VCL: variants seen among roughly 807,000 people sequenced by gnomAD.
The protein encoded by VCL is vinculin.
In VCL, 47 loss-of-function variants were observed where a neutral mutation model predicts 125.7. The observed-to-expected ratio is 0.37, with a 90% CI of 0.30 to 0.48. The LOEUF (loss-of-function observed/expected upper bound fraction) is 0.48. Among genes scored for constraint, VCL ranks in the 20% least tolerant of loss-of-function variants. The pLI is 0.99. For missense variants in VCL, 1,069 were observed against 1,455.5 expected, an observed-to-expected ratio of 0.73 and a Z score of 4.32; for synonymous variants, 458 against 514.6, an observed-to-expected ratio of 0.89 and a Z score of 1.49.
Position 73,998,134 on chromosome 10 carries a change from C to A in VCL, c.-74C>A. On this transcript the variant is annotated 5_prime_UTR_variant, in exon 1 of 22. Transcript: ENST00000211998. Reference sequence around the variant, plus strand: ...ACTCCGTAGTCGCTGCACAGTCTGTCTCTTCGCCGGTTCCCGGCCCCGTGG... The same window carrying A: ...ACTCCGTAGTCGCTGCACAGTCTGTATCTTCGCCGGTTCCCGGCCCCGTGG... 6.4e-7 allele frequency: 1 copy of A among 1,568,850 alleles called. No individual in the cohort carries two copies. The highest frequency in any genetic ancestry group is 8.6e-7 in the Non-Finnish European group (1 of 1,157,910).
chr10:74,047,738 GAT>G (rs1841216890), intron 2 of VCL, among the ~76,000 whole-genome samples: 1 of 152,166 alleles, frequency 6.6e-6, no homozygotes, highest in Non-Finnish European at 1.5e-5. Context: ...TTCAGGGAAA[GAT>G]ATGATACTTT....
intron 12 of VCL, 28 bp downstream of exon 12, chr10:74,095,883 A>G: frequency 6.2e-7 from 1 of 1,608,676 alleles, no homozygotes; most frequent in Non-Finnish European, 8.5e-7. Context: ...ATATCATTTT[A>G]CTTTTTATGC....
In VCL at chr10:74,109,045, A is replaced by C; in HGVS notation, c.2634A>C (p.Pro878=). 6.2e-7 allele frequency: 1 copy of C among 1,614,174 alleles called. No homozygotes were observed. The highest frequency in any genetic ancestry group is 8.5e-7 in the Non-Finnish European group (1 of 1,180,024). ...TCCCTCCACCTAGGCCTCCACCACC[A>C]GAGGAAAAGGATGAAGAGTTCCCTG... ...GEVPPPRPPP[P]EEKDEEFPEQ... Residue 878 remains proline, a synonymous_variant, in exon 18 of 22, where the codon CCA becomes CCC. Coordinates refer to ENST00000211998, the MANE Select transcript of VCL (RefSeq NM_014000.3).
chr10:74,111,914 C>T lies in VCL; in HGVS notation c.2751C>T (p.Gly917=), dbSNP rs1347336421. The T allele has an allele frequency of 6.2e-7, 1 of 1,614,100 alleles. No homozygotes were observed. The highest frequency in any genetic ancestry group is 1.3e-5 in the African/African-American group (1 of 74,936). ...DEARKWSSKP[G]IPAAEVGIGV... The stretch of plus-strand genomic sequence containing the variant: ...CCTTCCCGCCATCGACAAAGCCGGG[C>T]ATCCCAGCCGCTGAGGTGGGTATAG... The change falls in exon 19 of 22, where the codon GGC becomes GGT. Residue 917 remains glycine (G), a synonymous_variant. Transcript: ENST00000211998.
chr10:74,066,062 T>TATATATATATATA (rs1491467672), intron 2 of VCL, among the ~76,000 whole-genome samples: 68 of 124,652 alleles, frequency 5.5e-4, no homozygotes, highest in African/African-American at 7.1e-4. Flanking sequence ...TATATATATA[T>TATATATATATATA]TTTTTTTTTT....
intron 6 of VCL, chr10:74,076,307 T>C (rs553269257): frequency 6.5e-6 from 1 of 152,756 alleles, no homozygotes; most frequent in African/African-American, 2.4e-5. Flanking sequence ...AGTGATTTCT[T>C]TGGGAAAAGC....
In VCL at chr10:74,049,396, A is replaced by C. The variant is rs12765426; in HGVS notation, c.239+6243A>C. 1.9e-3 allele frequency among the ~76,000 whole-genome samples: 285 copies of C among 152,350 alleles called. 1 individual carries two copies. The highest frequency in any genetic ancestry group is 2.7e-3 in the Non-Finnish European group (182 of 68,038). On this transcript the variant is annotated intron_variant, in intron 2 of 21. Coordinates refer to ENST00000211998, the MANE Select transcript of VCL (RefSeq NM_014000.3). ...AGAGCAAAAGTGGAAACACTACTGCAGAGAAATTTTGTAAAAAAGAAATAT... is the reference window on the plus strand; with the variant it reads ...AGAGCAAAAGTGGAAACACTACTGCCGAGAAATTTTGTAAAAAAGAAATAT...
At chr10:74,055,333 A>C (rs1841373177) in intron 2 of VCL, among the ~76,000 whole-genome samples, 1 of 152,004 alleles carries the variant, frequency 6.6e-6, no homozygotes, top group South Asian at 2.1e-4. Flanking sequence ...TGAATTTCAT[A>C]ATATTTTATT....
At chr10:74,114,436 TGC>T (rs777569681) in intron 20 of VCL, 49 bp downstream of exon 20, 23 of 1,411,610 alleles carry the variant, frequency 1.6e-5, no homozygotes, top group Admixed American at 7.4e-5. Context: ...TGTGTGTGTG[TGC>T]GTGTGTGTGT....
At chr10:74,063,084 G>A (rs546395382) in intron 2 of VCL, among the ~76,000 whole-genome samples, 1 of 152,166 alleles carries the variant, frequency 6.6e-6, no homozygotes, top group East Asian at 1.9e-4. Flanking sequence ...AAAGAAGACA[G>A]GGTCTCCCTG....
chr10:74,090,012 T>C lies in VCL; in HGVS notation c.1177-11T>C. ...GATCACAGCGTGCTGCTTCTCCGTTTCTATGTGTAGAACTGGCTTGCAGAT... is the reference window on the plus strand; with the variant it reads ...GATCACAGCGTGCTGCTTCTCCGTTCCTATGTGTAGAACTGGCTTGCAGAT... On this transcript the variant is annotated splice_polypyrimidine_tract_variant and intron_variant, in intron 9 of 21. Coordinates refer to ENST00000211998, the MANE Select transcript of VCL (RefSeq NM_014000.3). 6.2e-7 allele frequency: 1 copy of C among 1,614,220 alleles called. No homozygotes were observed. Among genetic ancestry groups the C allele is most frequent in the Non-Finnish European group, 8.5e-7 (1 of 1,180,036 alleles).
chr10:74,094,365 A>G lies in VCL; in HGVS notation c.1447A>G (p.Asn483Asp). Residue 483 changes from asparagine (N) to aspartate (D), a missense_variant, in exon 11 of 22, where the codon AAC becomes GAC. Transcript: ENST00000211998. ...GACCAAAACCAACCGGGCTGTGGCC[A>G]ACAGCAGACCGGCCAAAGCAGCTGT... Reference protein sequence around the residue: ...LQTKTNRAVANSRPAKAAVHL... With the variant: ...LQTKTNRAVADSRPAKAAVHL... 1 of 1,614,220 alleles carries G rather than the reference A, an allele frequency of 6.2e-7. No individual in the cohort carries two copies. Among genetic ancestry groups the G allele is most frequent in the South Asian group, 1.1e-5 (1 of 91,084 alleles).
intron 19 of VCL, among the ~76,000 whole-genome samples, chr10:74,113,261 A>G (rs1324624641): frequency 4.6e-5 from 7 of 152,252 alleles, no homozygotes; most frequent in Non-Finnish European, 1.5e-5. Flanking sequence ...CACAGAATAC[A>G]TAACTTGTCT....
intron 3 of VCL, 27 bp downstream of exon 3, chr10:74,070,847 C>T (rs1841653473): frequency 6.2e-7 from 1 of 1,613,658 alleles, no homozygotes; most frequent in Non-Finnish European, 8.5e-7. Flanking sequence ...AAAAAGCCTA[C>T]TCTTGAAGAT....
intron 19 of VCL, among the ~76,000 whole-genome samples, chr10:74,113,276 C>T (rs181664812): frequency 4.7e-4 from 71 of 152,314 alleles, no homozygotes; most frequent in African/African-American, 1.7e-3. Flanking sequence ...TTGTCTGTTT[C>T]TTTACTATGA....
chr10:74,089,063 C>G (rs1224479763), intron 8 of VCL, 133 bp from the exon 9 acceptor site: 1 of 1,290,630 alleles, frequency 7.7e-7, no homozygotes, highest in African/African-American at 1.5e-5. Context: ...TTTTCTTGTG[C>G]TGTCCCAGAT....
intron 8 of VCL, among the ~76,000 whole-genome samples, chr10:74,086,760 T>C (rs929277519): frequency 4.6e-5 from 7 of 152,238 alleles, no homozygotes; most frequent in African/African-American, 1.7e-4. Context: ...CAGTGGAGCC[T>C]GCAATATCCT....
chr10:74,023,403 T>C (rs1364622214), intron 1 of VCL, among the ~76,000 whole-genome samples: 1 of 152,222 alleles, frequency 6.6e-6, no homozygotes, highest in East Asian at 1.9e-4. Flanking sequence ...TCTATGATGT[T>C]CACACAATGA....
At chr10:74,059,588 G>A (rs1841444392) in intron 2 of VCL, among the ~76,000 whole-genome samples, 1 of 152,024 alleles carries the variant, frequency 6.6e-6, no homozygotes, top group Admixed American at 6.5e-5. Context: ...TATTTTTTAA[G>A]TAGAGATGGG....
Sources: allele counts gnomAD v4.1 joint callset (sites outside exome capture counted in the v4.1 genomes callset), GRCh38; gene constraint gnomAD v4.1.1; transcripts MANE v1.5; gene names NCBI Gene and HGNC (gene_info 2026-07-23, HGNC 2026-07-21).